BTRC: variants seen among roughly 807,000 people sequenced by gnomAD.
BTRC encodes the protein F-box/WD repeat-containing protein 1A.
BTRC carries 42 observed loss-of-function variants against 85.5 expected under a neutral mutation model. The ratio of observed to expected loss-of-function variants is 0.49; its 90% CI spans 0.38 to 0.64. The LOEUF is 0.64. Ranked by LOEUF, BTRC falls within the 30% of genes least tolerant of loss-of-function variation. The probability of loss-of-function intolerance (pLI) is 0.00; values close to 1 mark genes in which losing one functional copy is unlikely to be tolerated. For missense variants in BTRC, 594 were observed against 743.5 expected (o/e 0.80, Z 2.34); for synonymous variants, 255 against 263.3 (o/e 0.97, Z 0.30).
In BTRC at chr10:101,535,386, G is replaced by A. The variant is rs2062370971; in HGVS notation, c.1380G>A (p.Arg460=). The A allele has an allele frequency of 6.2e-7, 1 of 1,613,950 alleles. No individual in the cohort carries two copies. The highest frequency in any genetic ancestry group is 8.5e-7 in the Non-Finnish European group (1 of 1,179,962). ...ACACAAGTACTTGTGAATTTGTAAG[G>A]ACCTTAAATGGACACAAACGAGGCA... ...VWNTSTCEFV[R]TLNGHKRGIA... Residue 460 remains arginine, a synonymous_variant, in exon 11 of 15, where the codon AGG becomes AGA. Coordinates refer to ENST00000370187, the MANE Select transcript of BTRC (RefSeq NM_033637.4).
At chr10:101,363,609 C>T (rs1942278653) in intron 1 of BTRC, among the ~76,000 whole-genome samples, 1 of 152,074 alleles carries the variant, frequency 6.6e-6, no homozygotes, top group South Asian at 2.1e-4. Context: ...CAGGTGTGCA[C>T]CACCACGCCC....
intron 1 of BTRC, among the ~76,000 whole-genome samples, chr10:101,398,930 T>C (rs1376725213): frequency 1.3e-5 from 2 of 152,164 alleles, no homozygotes; most frequent in African/African-American, 2.4e-5. Context: ...TGGCCTTTCA[T>C]GTAGGTATAG....
At chr10:101,378,434 A>T (rs966649808) in intron 1 of BTRC, among the ~76,000 whole-genome samples, 1 of 150,646 alleles carries the variant, frequency 6.6e-6, no homozygotes, top group Non-Finnish European at 1.5e-5. Flanking sequence ...TTTTACAGTT[A>T]TTTAATCTTT....
At chr10:101,476,879 T>C (rs1945703492) in intron 3 of BTRC, among the ~76,000 whole-genome samples, 1 of 152,226 alleles carries the variant, frequency 6.6e-6, no homozygotes, top group Non-Finnish European at 1.5e-5. Context: ...ATAGCAATGG[T>C]TCTCGAAGAG....
intron 4 of BTRC, among the ~76,000 whole-genome samples, chr10:101,491,516 G>T (rs1350007436): frequency 6.6e-6 from 1 of 152,086 alleles, no homozygotes; most frequent in Non-Finnish European, 1.5e-5. Context: ...CCAATGTGCT[G>T]AAACCCAGTT....
chr10:101,543,401 T>C (rs2062502679), intron 13 of BTRC, among the ~76,000 whole-genome samples: 1 of 152,140 alleles, frequency 6.6e-6, no homozygotes, highest in African/African-American at 2.4e-5. Context: ...TTAATATGCC[T>C]GTGTCTTTAT....
At chr10:101,467,329 GTT>G (rs776563405) in intron 3 of BTRC, among the ~76,000 whole-genome samples, 1 of 117,258 alleles carries the variant, frequency 8.5e-6, no homozygotes, top group Admixed American at 8.9e-5. Context: ...GGCAGGCAGG[GTT>G]TTTTTTTTTT....
At chr10:101,447,154 G>A (rs1944849036) in intron 2 of BTRC, among the ~76,000 whole-genome samples, 1 of 152,136 alleles carries the variant, frequency 6.6e-6, no homozygotes, top group Non-Finnish European at 1.5e-5. Context: ...GAATCATGTA[G>A]GTCATTTAAT....
intron 5 of BTRC, among the ~76,000 whole-genome samples, chr10:101,524,032 C>G (rs769452848): frequency 1.3e-5 from 2 of 152,044 alleles, no homozygotes; most frequent in African/African-American, 4.8e-5. Context: ...TAAAAATATA[C>G]CAGCTCATAG....
chr10:101,459,357 G>C (rs1945162365), intron 2 of BTRC, among the ~76,000 whole-genome samples: 1 of 152,152 alleles, frequency 6.6e-6, no homozygotes, highest in African/African-American at 2.4e-5. Context: ...TTACCCTCAA[G>C]ACTGTAGACC....
intron 1 of BTRC, among the ~76,000 whole-genome samples, chr10:101,370,695 C>T (rs1054556743): frequency 6.6e-6 from 1 of 151,484 alleles, no homozygotes; most frequent in African/African-American, 2.4e-5. Flanking sequence ...TCAACTTCCC[C>T]GTAGCTGGGA....
intron 2 of BTRC, among the ~76,000 whole-genome samples, chr10:101,458,747 GT>G (rs2134161603): frequency 1.3e-5 from 2 of 152,226 alleles, no homozygotes; most frequent in Non-Finnish European, 2.9e-5. Context: ...GTAGATTTAA[GT>G]TTTGTGGTTT....
intron 3 of BTRC, among the ~76,000 whole-genome samples, chr10:101,466,934 A>G (rs939104964): frequency 5.3e-5 from 8 of 152,354 alleles, no homozygotes; most frequent in African/African-American, 1.9e-4. Context: ...ATCAGCCAGT[A>G]TAAGCATGGA....
At chr10:101,417,030 T>C (rs1166091333) in intron 1 of BTRC, among the ~76,000 whole-genome samples, 1 of 152,036 alleles carries the variant, frequency 6.6e-6, no homozygotes, top group East Asian at 1.9e-4. Context: ...CATAAACCAC[T>C]TGAGAATAAG....
intron 3 of BTRC, among the ~76,000 whole-genome samples, chr10:101,465,404 T>C (rs527353024): frequency 6.6e-6 from 1 of 152,354 alleles, no homozygotes; most frequent in East Asian, 1.9e-4. Context: ...GCTATTTAAA[T>C]ATTGGAGGAG....
chr10:101,487,400 C>T lies in BTRC; in HGVS notation c.324+7943C>T, dbSNP rs572057697. Among the ~76,000 whole-genome samples, 4 of 152,290 alleles carry T rather than the reference C, an allele frequency of 2.6e-5. No homozygotes were observed. The South Asian group carries it at 8.3e-4, about 32-fold the overall frequency. On this transcript the variant is annotated intron_variant, in intron 4 of 14. Coordinates refer to ENST00000370187, the MANE Select transcript of BTRC (RefSeq NM_033637.4). Reference sequence around the variant, plus strand: ...ATAAATACTTACTTGCAGACTTAAACATTTCCTTTTGCTGAAACAAATGCA... The same window carrying T: ...ATAAATACTTACTTGCAGACTTAAATATTTCCTTTTGCTGAAACAAATGCA...
At chr10:101,430,649 GTCA>G (rs1430583960) in intron 2 of BTRC, among the ~76,000 whole-genome samples, 197 bp downstream of exon 2, 1 of 152,084 alleles carries the variant, frequency 6.6e-6, no homozygotes, top group Non-Finnish European at 1.5e-5. Context: ...TTAAGACAAT[GTCA>G]TCATGATTGG....
At chr10:101,417,743 G>A (rs942226208) in intron 1 of BTRC, among the ~76,000 whole-genome samples, 1 of 152,076 alleles carries the variant, frequency 6.6e-6, no homozygotes, top group Admixed American at 6.6e-5. Context: ...GGAGTGCAGT[G>A]GCGTGATCCT....
chr10:101,467,721 T>G (rs962452390), intron 3 of BTRC, among the ~76,000 whole-genome samples: 11 of 152,140 alleles, frequency 7.2e-5, no homozygotes, highest in Non-Finnish European at 1.6e-4. Flanking sequence ...CTGAGATGTT[T>G]ATTAATAAAA....
Sources: gnomAD v4.1 joint callset for allele counts (sites outside exome capture counted in the v4.1 genomes callset) on GRCh38, gnomAD v4.1.1 for gene constraint, MANE v1.5 for transcripts, NCBI Gene and HGNC (gene_info 2026-07-23, HGNC 2026-07-21) for gene names.